The following ELK4 variants were observed in gnomAD, a reference collection of about 807,000 sequenced individuals.
ELK4 encodes the protein ETS domain-containing protein Elk-4.
Under a neutral mutation model 29.6 loss-of-function variants are expected in ELK4, and 16 were observed. That is an observed-to-expected ratio of 0.54 (90% CI 0.37 to 0.82). ELK4 has a LOEUF of 0.82. ELK4 is among the 40% of genes least tolerant of loss of function. ELK4 has a pLI of 0.00. For synonymous variants in ELK4, 213 were observed against 191.1 expected (o/e 1.11, Z -0.95); for missense variants, 465 against 507.1 (o/e 0.92, Z 0.80).
At chr1:205,622,677 C>T (rs185342560) in intron 2 of ELK4, among the ~76,000 whole-genome samples, 79 of 152,312 alleles carry the variant, frequency 5.2e-4, no homozygotes, top group African/African-American at 1.9e-3. Flanking sequence ...AGCCACTACT[C>T]CAGGCTTCAC....
Position 205,612,034 on chromosome 1 carries a change from A to G in ELK4, c.*4512T>C, listed in dbSNP as rs532234377. The G allele has an allele frequency of 9.5e-5, 18 of 190,258 alleles. No individual in the cohort carries two copies. In the East Asian group the frequency reaches 1.5e-3, roughly 16 times the overall value. The allele number at this position is 190,258 out of a possible 1,614,324, so 11.8% of individuals were successfully genotyped here. ...TGGTAAAATATAACATAAGTCCCAA[A>G]GAAGTCTGTGAGCAGACTAGTAAAA... On this transcript the variant is annotated 3_prime_UTR_variant, in exon 5 of 5. Coordinates refer to ENST00000357992, the MANE Select transcript of ELK4 (RefSeq NM_001973.4).
intron 1 of ELK4, among the ~76,000 whole-genome samples, chr1:205,626,775 A>G (rs983109805): frequency 1.3e-5 from 2 of 152,234 alleles, no homozygotes; most frequent in African/African-American, 2.4e-5. Context: ...AGTTTAATAC[A>G]TGACTCAACA....
intron 2 of ELK4, among the ~76,000 whole-genome samples, chr1:205,622,399 T>C (rs1029181387): frequency 6.6e-6 from 1 of 152,252 alleles, no homozygotes; most frequent in Non-Finnish European, 1.5e-5. Flanking sequence ...TGTGTATATG[T>C]ACATATATGA....
rs1670166990 is a variant in ELK4, at chr1:205,612,507, G to A, written c.*4039C>T. The A allele has an allele frequency of 4.7e-6, 1 of 213,908 alleles. No individual in the cohort carries two copies. Among genetic ancestry groups the A allele is most frequent in the African/African-American group, 2.3e-5 (1 of 44,310 alleles). The allele number at this position is 213,908 out of a possible 1,614,324, so 13.3% of individuals were successfully genotyped here. ...CATATACCCATATGAATTTTTAATA[G>A]GGAAAGTTTTTATGTTCAATAACTC... On this transcript the variant is annotated 3_prime_UTR_variant, in exon 5 of 5. Transcript: ENST00000357992.
chr1:205,618,809 T>G, intron 4 of ELK4, 148 bp downstream of exon 4: 1 of 512,020 alleles, frequency 2.0e-6, no homozygotes, highest in East Asian at 4.0e-5. Flanking sequence ...GGTGACATGG[T>G]GAGGACTCCA....
rs1010493873 is a variant in ELK4 at position 205,610,077 on chromosome 1, C to A, written c.*6469G>T. 2 of 231,958 alleles carry A rather than the reference C, an allele frequency of 8.6e-6. No individual in the cohort carries two copies. The highest frequency in any genetic ancestry group is 1.7e-5 in the Non-Finnish European group (2 of 117,330). The allele number at this position is 231,958 out of a possible 1,614,324, so 14.4% of individuals were successfully genotyped here. A position where few individuals can be genotyped will look rare whatever the true frequency, so the allele number is the denominator to read the frequency against. ...CCAAGAAAGTGCCAAGTGATTAACACCAATATATGGCATTCCCACCCCTGA... is the reference window on the plus strand; with the variant it reads ...CCAAGAAAGTGCCAAGTGATTAACAACAATATATGGCATTCCCACCCCTGA... On this transcript the variant is annotated 3_prime_UTR_variant, in exon 5 of 5. Transcript: ENST00000357992.
intron 1 of ELK4, among the ~76,000 whole-genome samples, chr1:205,624,241 G>C (rs1347193500): frequency 6.6e-6 from 1 of 152,204 alleles, no homozygotes; most frequent in Non-Finnish European, 1.5e-5. Context: ...AAAAAACAAT[G>C]ATTGTCAATC....
Position 205,616,611 on chromosome 1 carries a change from TG to T in ELK4, c.1230del (p.Phe410LeufsTer45). ...FPSVLNSHGP[F>X]TLSGLDGPST... is the part of the protein sequence containing the mutation. ...GAAGGTCCATCCAGCCCAGACAGAG[TG>T]AATGGCCCATGACTGTTCAGTACAG... On this transcript the variant is annotated frameshift_variant, in exon 5 of 5. Transcript: ENST00000357992. LOFTEE classifies it high-confidence loss of function. 6.2e-7 allele frequency: 1 copy of T among 1,613,924 alleles called. No individual in the cohort carries two copies. The highest frequency in any genetic ancestry group is 8.5e-7 in the Non-Finnish European group (1 of 1,179,964).
chr1:205,612,828 C>A lies in ELK4; in HGVS notation c.*3718G>T, dbSNP rs554271937. On this transcript the variant is annotated 3_prime_UTR_variant, in exon 5 of 5. Coordinates refer to ENST00000357992, the MANE Select transcript of ELK4 (RefSeq NM_001973.4). ...TCTGATTTACTTAAGTCAGTCTTGA[C>A]TTTTAAAATCTGTAATATAGTATGT... 6.3e-5 allele frequency: 13 copies of A among 205,262 alleles called. No homozygotes were observed. The highest frequency in any genetic ancestry group is 3.0e-4 in the African/African-American group (13 of 43,872). 12.7% of individuals were successfully genotyped at this position (205,262 alleles called of 1,614,324 possible). A position where few individuals can be genotyped will look rare whatever the true frequency, so the allele number is the denominator to read the frequency against.
At chr1:205,625,389 A>C (rs900912651) in intron 1 of ELK4, 7 of 489,062 alleles carry the variant, frequency 1.4e-5, no homozygotes, top group Non-Finnish European at 2.6e-5. Flanking sequence ...ACATTGGCTG[A>C]ATCTGCCTAC....
chr1:205,617,159 G>T (rs553562705), intron 4 of ELK4, among the ~76,000 whole-genome samples: 17 of 152,158 alleles, frequency 1.1e-4, no homozygotes, highest in African/African-American at 3.9e-4. Flanking sequence ...GGTCTCAGCT[G>T]ACTCTATAAC....
chr1:205,620,352 T>G lies in ELK4; in HGVS notation c.694A>C (p.Lys232Gln). The G allele has an allele frequency of 6.2e-7, 1 of 1,614,132 alleles. No homozygotes were observed. The highest frequency in any genetic ancestry group is 1.1e-5 in the South Asian group (1 of 91,080). ...IQALETLVSPKLPSLEAPTSA... is the reference protein window; with the variant it reads ...IQALETLVSPQLPSLEAPTSA... ...GTTGGGGCTTCCAGGGAAGGCAGTTTTGGGGAAACCAATGTCTCCAAAGCT... is the reference window on the plus strand; with the variant it reads ...GTTGGGGCTTCCAGGGAAGGCAGTTGTGGGGAAACCAATGTCTCCAAAGCT... Residue 232 changes from lysine to glutamine, a missense_variant, in exon 3 of 5, where the codon AAA becomes CAA. Physicochemically the swap from Lys to Gln is moderately conservative, Grantham distance 53. This residue lies in a region of ELK4 where 385 missense variants were observed against 387.5 expected (regional missense o/e 0.99). Transcript: ENST00000357992.
chr1:205,611,412 A>G lies in ELK4; in HGVS notation c.*5134T>C, dbSNP rs549998652. The G allele has an allele frequency of 4.7e-6, 1 of 210,740 alleles. No homozygotes were observed. Among genetic ancestry groups the G allele is most frequent in the East Asian group, 7.1e-5 (1 of 14,012 alleles). The allele number at this position is 210,740 out of a possible 1,614,324, so 13.1% of individuals were successfully genotyped here. The stretch of plus-strand genomic sequence containing the variant: ...GATCCTAAGATTAAACTTCAACTTC[A>G]GTAAGCAGAGTTCTGATGACATAAG... On this transcript the variant is annotated 3_prime_UTR_variant, in exon 5 of 5. Coordinates refer to ENST00000357992, the MANE Select transcript of ELK4 (RefSeq NM_001973.4).
rs765720756 is a variant in ELK4 at position 205,619,954 on chromosome 1, C to T, written c.1080+12G>A. On this transcript the variant is annotated intron_variant, in intron 3 of 4. Coordinates refer to ENST00000357992, the MANE Select transcript of ELK4 (RefSeq NM_001973.4). ...AAAGCAATGGTGACACCATAAAGAGCGAGCAAGCTACCTGTGAAAAAAATG... is the reference window on the plus strand; with the variant it reads ...AAAGCAATGGTGACACCATAAAGAGTGAGCAAGCTACCTGTGAAAAAAATG... 1.7e-5 allele frequency: 28 copies of T among 1,613,982 alleles called. No homozygotes were observed. The highest frequency in any genetic ancestry group is 3.3e-4 in the Middle Eastern group (2 of 6,084).
At chr1:205,623,655 T>G in intron 2 of ELK4, 21 bp downstream of exon 2, 1 of 1,612,678 alleles carries the variant, frequency 6.2e-7, no homozygotes, top group Non-Finnish European at 8.5e-7. Context: ...CTGTATAGTA[T>G]AAGATCAGGA....
At chr1:205,628,010 C>G (rs1670500801) in intron 1 of ELK4, among the ~76,000 whole-genome samples, 1 of 152,176 alleles carries the variant, frequency 6.6e-6, no homozygotes, top group South Asian at 2.1e-4. Context: ...ATTAGGGAAA[C>G]CACTTTCCAA....
intron 4 of ELK4, 92 bp from the exon 5 acceptor site, chr1:205,616,736 A>G: frequency 9.6e-7 from 1 of 1,042,132 alleles, no homozygotes; most frequent in Non-Finnish European, 1.4e-6. Context: ...AAAACACAAC[A>G]GCCTTCTGTA....
At chr1:205,621,814 C>T (rs576853586) in intron 2 of ELK4, among the ~76,000 whole-genome samples, 5 of 152,072 alleles carry the variant, frequency 3.3e-5, no homozygotes, top group East Asian at 1.9e-4. Flanking sequence ...CCACCGCGCC[C>T]GGCTGTGAAA....
chr1:205,622,313 TTTTAA>T (rs1354738827), intron 2 of ELK4, among the ~76,000 whole-genome samples: 4 of 152,168 alleles, frequency 2.6e-5, no homozygotes, highest in Admixed American at 6.6e-5. Context: ...AGGTATAAGG[TTTTAA>T]TTTGTGTTCC....
Sources: allele counts gnomAD v4.1 joint callset (sites outside exome capture counted in the v4.1 genomes callset), GRCh38; gene constraint gnomAD v4.1.1; regional missense constraint gnomAD v4.1.1; transcripts MANE v1.5; gene names NCBI Gene and HGNC (gene_info 2026-07-23, HGNC 2026-07-21).